ADGRL3: variants seen among roughly 807,000 people sequenced by gnomAD.
ADGRL3 encodes adhesion G protein-coupled receptor L3.
Under a neutral mutation model 153.5 loss-of-function variants are expected in ADGRL3, and 62 were observed. The ratio of observed to expected loss-of-function variants is 0.40; its 90% CI spans 0.33 to 0.50. The LOEUF is 0.50. ADGRL3 is among the 20% of genes least tolerant of loss of function. The probability of loss-of-function intolerance (pLI) is 0.47; values close to 1 mark genes in which losing one functional copy is unlikely to be tolerated. For synonymous variants in ADGRL3, 710 were observed against 672.5 expected (o/e 1.06, Z -0.86); for missense variants, 1,641 against 1,859.4 (o/e 0.88, Z 2.16).
chr4:61,539,321 G>T (rs1189693683), intron 4 of ADGRL3, among the ~76,000 whole-genome samples: 2 of 152,204 alleles, frequency 1.3e-5, no homozygotes, highest in Non-Finnish European at 2.9e-5. Flanking sequence ...GTGGGTTGGG[G>T]AACAGGAGAC....
chr4:61,573,809 CATATGT>C (rs2098849109), intron 4 of ADGRL3, among the ~76,000 whole-genome samples: 1 of 151,838 alleles, frequency 6.6e-6, no homozygotes, highest in Non-Finnish European at 1.5e-5. Context: ...CAAGCTTGGA[CATATGT>C]AACAATCAGA....
chr4:61,329,197 CT>C lies in ADGRL3; in HGVS notation c.-239-53925del, dbSNP rs35405723. ...ATTTAAGTAAAAATACTCCTCTACT[CT>C]TATGAGTCTTACTGATGCAGTTTCA... On this transcript the variant is annotated intron_variant, in intron 1 of 26. Coordinates refer to ENST00000683033, the MANE Select transcript of ADGRL3 (RefSeq NM_001387552.1). 1.7e-3 allele frequency among the ~76,000 whole-genome samples: 258 copies of C among 152,210 alleles called. 1 individual carries two copies. The highest frequency in any genetic ancestry group is 2.7e-3 in the Non-Finnish European group (183 of 68,002).
At chr4:61,430,098 C>T (rs1398539543) in intron 2 of ADGRL3, among the ~76,000 whole-genome samples, 1 of 152,046 alleles carries the variant, frequency 6.6e-6, no homozygotes, top group Non-Finnish European at 1.5e-5. Context: ...CAATGAGATA[C>T]AAAGATAATC....
At chr4:61,650,948 G>A (rs1404308129) in intron 5 of ADGRL3, among the ~76,000 whole-genome samples, 6 of 152,110 alleles carry the variant, frequency 3.9e-5, no homozygotes, top group African/African-American at 1.2e-4. Context: ...TCTTTTGAAT[G>A]TTTTTGTTGT....
chr4:61,404,467 C>G (rs1367093941), intron 2 of ADGRL3, among the ~76,000 whole-genome samples: 1 of 151,936 alleles, frequency 6.6e-6, no homozygotes, highest in Non-Finnish European at 1.5e-5. Context: ...AGGAATAAAT[C>G]CATGGGCTAT....
intron 18 of ADGRL3, among the ~76,000 whole-genome samples, chr4:61,983,122 AT>A (rs2099074174): frequency 2.6e-5 from 4 of 152,048 alleles, no homozygotes. Context: ...TCTTATTAGA[AT>A]TTTTTCTAAG....
intron 2 of ADGRL3, among the ~76,000 whole-genome samples, chr4:61,452,434 C>T (rs1051758570): frequency 2.6e-5 from 4 of 152,192 alleles, no homozygotes; most frequent in African/African-American, 9.7e-5. Context: ...GGGAATCTGA[C>T]CTACAATGGT....
At chr4:61,542,651 T>C (rs990999964) in intron 4 of ADGRL3, among the ~76,000 whole-genome samples, 5 of 152,216 alleles carry the variant, frequency 3.3e-5, no homozygotes, top group African/African-American at 1.2e-4. Context: ...TAGCAGTTGC[T>C]TATGCATCAT....
At chr4:61,245,003 T>G (rs958521118) in intron 1 of ADGRL3, among the ~76,000 whole-genome samples, 44 of 152,188 alleles carry the variant, frequency 2.9e-4, no homozygotes, top group African/African-American at 9.6e-4. Context: ...TTTCCTTTAC[T>G]CTTCTGGAGA....
chr4:61,277,187 A>G (rs1012181889), intron 1 of ADGRL3, among the ~76,000 whole-genome samples: 1 of 152,156 alleles, frequency 6.6e-6, no homozygotes, highest in Non-Finnish European at 1.5e-5. Context: ...TAGTGGATGT[A>G]TAATTTGGGA....
intron 10 of ADGRL3, 89 bp downstream of exon 10, chr4:61,893,047 C>T (rs1374070190): frequency 7.6e-6 from 5 of 655,550 alleles, no homozygotes; most frequent in East Asian, 6.8e-5. Flanking sequence ...TCCTCCTTTC[C>T]TCCCTCCCTC....
chr4:61,706,782 T>C (rs1013410564), intron 6 of ADGRL3, among the ~76,000 whole-genome samples: 5 of 152,162 alleles, frequency 3.3e-5, no homozygotes, highest in Non-Finnish European at 1.5e-5. Context: ...ATATCGGCAA[T>C]AAAACTGTTT....
rs2098329443 is a variant in ADGRL3 at position 61,497,235 on chromosome 4, T to G, written c.-59T>G. The stretch of plus-strand genomic sequence containing the variant: ...AGAAGAGAAACTAGAAATATACGTA[T>G]TTTGTTTCACATTTGAACAGTCATT... On this transcript the variant is annotated 5_prime_UTR_variant, in exon 3 of 27. Coordinates refer to ENST00000683033, the MANE Select transcript of ADGRL3 (RefSeq NM_001387552.1). 3 of 996,384 alleles carry G rather than the reference T, an allele frequency of 3.0e-6. No individual in the cohort carries two copies. The highest frequency in any genetic ancestry group is 4.7e-6 in the Non-Finnish European group (3 of 644,562). The allele number at this position is 996,384 out of a possible 1,614,324, so 61.7% of individuals were successfully genotyped here.
intron 8 of ADGRL3, among the ~76,000 whole-genome samples, chr4:61,748,203 A>G (rs1313518792): frequency 6.6e-6 from 1 of 152,172 alleles, no homozygotes; most frequent in African/African-American, 2.4e-5. Context: ...TCAATGAAAT[A>G]AAAGAGAATA....
chr4:61,397,426 A>C (rs1169507272), intron 2 of ADGRL3, among the ~76,000 whole-genome samples: 1 of 151,878 alleles, frequency 6.6e-6, no homozygotes, highest in Non-Finnish European at 1.5e-5. Flanking sequence ...AAGTGTGGGG[A>C]TGTGGGGTGG....
At chr4:61,868,212 T>C (rs1244659635) in intron 9 of ADGRL3, among the ~76,000 whole-genome samples, 1 of 152,210 alleles carries the variant, frequency 6.6e-6, no homozygotes, top group African/African-American at 2.4e-5. Flanking sequence ...TGAGACTGAA[T>C]TGAAAGTAAT....
At chr4:61,834,190 C>G (rs2148904040) in intron 9 of ADGRL3, among the ~76,000 whole-genome samples, 1 of 150,222 alleles carries the variant, frequency 6.7e-6, no homozygotes, top group East Asian at 2.0e-4. Context: ...CAATTCCCAC[C>G]TATGAGTGAG....
At chr4:61,918,009 G>A (rs1314819236) in intron 13 of ADGRL3, among the ~76,000 whole-genome samples, 1 of 152,146 alleles carries the variant, frequency 6.6e-6, no homozygotes, top group African/African-American at 2.4e-5. Context: ...CTAACTCTCT[G>A]ATGCGTGTTA....
intron 1 of ADGRL3, among the ~76,000 whole-genome samples, chr4:61,237,164 C>T (rs1753165051): frequency 6.6e-6 from 1 of 152,126 alleles, no homozygotes; most frequent in Non-Finnish European, 1.5e-5. Flanking sequence ...CAATGAGATT[C>T]TGAAAATGCT....
Sources: allele counts gnomAD v4.1 joint callset (sites outside exome capture counted in the v4.1 genomes callset), GRCh38; gene constraint gnomAD v4.1.1; transcripts MANE v1.5; gene names NCBI Gene and HGNC (gene_info 2026-07-23, HGNC 2026-07-21).